The following SGK3 variants were observed in gnomAD, a reference collection of about 807,000 sequenced individuals.
SGK3 encodes serum/glucocorticoid regulated kinase family member 3.
SGK3 carries 47 observed loss-of-function variants against 68.5 expected under a neutral mutation model. The observed-to-expected ratio is 0.69, with a 90% CI of 0.54 to 0.87. The LOEUF (loss-of-function observed/expected upper bound fraction) is 0.87. SGK3 is among the 40% of genes least tolerant of loss of function. The probability of loss-of-function intolerance (pLI) is 0.00; values close to 1 mark genes in which losing one functional copy is unlikely to be tolerated. For missense variants in SGK3, 479 were observed against 575.5 expected (o/e 0.83, Z 1.72); for synonymous variants, 181 against 189.1 (o/e 0.96, Z 0.35).
intron 1 of SGK3, among the ~76,000 whole-genome samples, chr8:66,741,488 T>G (rs905272027): frequency 1.3e-5 from 2 of 152,008 alleles, no homozygotes; most frequent in African/African-American, 4.8e-5. Context: ...AGGTGGAGGT[T>G]GCAGTGAGCT....
chr8:66,835,687 G>C (rs151271633), intron 8 of SGK3, 76 bp from the exon 9 acceptor site: 10 of 1,449,260 alleles, frequency 6.9e-6, no homozygotes, highest in Non-Finnish European at 9.4e-6. Flanking sequence ...AAGAAGTATT[G>C]ATGTGTTGAC....
At chr8:66,796,314 T>C (rs2130582784) in intron 2 of SGK3, among the ~76,000 whole-genome samples, 1 of 137,080 alleles carries the variant, frequency 7.3e-6, no homozygotes, top group Middle Eastern at 3.4e-3. Flanking sequence ...TTTTTTGTAT[T>C]TTTTGTATTT....
At chr8:66,803,724 A>G (rs568372564) in intron 3 of SGK3, among the ~76,000 whole-genome samples, 1 of 151,518 alleles carries the variant, frequency 6.6e-6, no homozygotes, top group African/African-American at 2.4e-5. Flanking sequence ...TGGCATAATC[A>G]TGGCTCCCTG....
At chr8:66,746,758 G>A (rs1018362703) in intron 1 of SGK3, among the ~76,000 whole-genome samples, 2 of 151,758 alleles carry the variant, frequency 1.3e-5, no homozygotes, top group South Asian at 4.2e-4. Flanking sequence ...ACCAGGTCTC[G>A]CTATGTTGCC....
At chr8:66,807,617 CAG>C in intron 4 of SGK3, among the ~76,000 whole-genome samples, 1 of 152,218 alleles carries the variant, frequency 6.6e-6, no homozygotes, top group South Asian at 2.1e-4. Context: ...TTCAGAAAAA[CAG>C]AGATGGATAA....
chr8:66,851,544 A>C (rs1164724292), intron 16 of SGK3, among the ~76,000 whole-genome samples: 3 of 151,822 alleles, frequency 2.0e-5, no homozygotes, highest in Admixed American at 6.6e-5. Flanking sequence ...AAAAAAAAAA[A>C]CAGGTATAGA....
chr8:66,824,264 G>A (rs1808965595), intron 6 of SGK3, among the ~76,000 whole-genome samples: 1 of 151,984 alleles, frequency 6.6e-6, no homozygotes, highest in African/African-American at 2.4e-5. Context: ...TAACAAATAA[G>A]GCATAAGAAG....
At chr8:66,836,371 A>G (rs78827442) in intron 10 of SGK3, among the ~76,000 whole-genome samples, 4,077 of 152,272 alleles carry the variant, frequency 0.027, 71 homozygotes, top group Admixed American at 0.045. Context: ...ATAAAATGTG[A>G]TTTGTAATTT....
At chr8:66,761,523 C>T (rs906558801) in intron 1 of SGK3, among the ~76,000 whole-genome samples, 5 of 152,162 alleles carry the variant, frequency 3.3e-5, no homozygotes, top group African/African-American at 1.2e-4. Flanking sequence ...CGCCCCAGCA[C>T]TTTGAGAGGC....
chr8:66,795,286 G>T (rs1007325733), intron 2 of SGK3, among the ~76,000 whole-genome samples: 2 of 152,152 alleles, frequency 1.3e-5, no homozygotes, highest in Non-Finnish European at 2.9e-5. Context: ...GCCACACTTG[G>T]TACCACATCC....
At position 66,793,845 on chromosome 8, in the gene SGK3, C is replaced by T; in HGVS notation, c.96+13C>T. Reference sequence around the variant, plus strand: ...GAAGAGGTTTACTGTAAGTATTTAACATAAAGCATGTGGGAAAAAAGTTGA... The same window carrying T: ...GAAGAGGTTTACTGTAAGTATTTAATATAAAGCATGTGGGAAAAAAGTTGA... On this transcript the variant is annotated intron_variant, in intron 2 of 16. Transcript: ENST00000521198. 6.2e-7 allele frequency: 1 copy of T among 1,608,260 alleles called. No individual in the cohort carries two copies. The highest frequency in any genetic ancestry group is 1.1e-5 in the South Asian group (1 of 90,318).
chr8:66,823,598 A>G (rs1808935359), intron 6 of SGK3, among the ~76,000 whole-genome samples: 1 of 151,978 alleles, frequency 6.6e-6, no homozygotes, highest in Non-Finnish European at 1.5e-5. Flanking sequence ...GAGTTTCACC[A>G]TATTTGCCAG....
chr8:66,848,231 A>T (rs1810116008), intron 15 of SGK3, among the ~76,000 whole-genome samples: 1 of 152,134 alleles, frequency 6.6e-6, no homozygotes, highest in Non-Finnish European at 1.5e-5. Context: ...GAATTCATTG[A>T]CAGAGATTGC....
chr8:66,808,876 A>T (rs1055074631), intron 4 of SGK3, among the ~76,000 whole-genome samples: 3 of 148,536 alleles, frequency 2.0e-5, no homozygotes, highest in South Asian at 2.1e-4. Context: ...TTATTTATTT[A>T]TTTATTTTTT....
At chr8:66,820,657 T>G (rs187265404) in intron 5 of SGK3, among the ~76,000 whole-genome samples, 373 of 152,328 alleles carry the variant, frequency 2.4e-3, no homozygotes, top group Non-Finnish European at 3.6e-3. Flanking sequence ...CTGTACCATT[T>G]TACATTTACA....
At chr8:66,836,839 A>G (rs1377975714) in intron 10 of SGK3, among the ~76,000 whole-genome samples, 2 of 140,920 alleles carry the variant, frequency 1.4e-5, no homozygotes, top group Non-Finnish European at 3.0e-5. Flanking sequence ...TGCAGTGGTC[A>G]CAGCTCGCTA....
intron 1 of SGK3, among the ~76,000 whole-genome samples, chr8:66,730,955 G>A (rs1178433660): frequency 6.6e-6 from 1 of 151,996 alleles, no homozygotes; most frequent in Non-Finnish European, 1.5e-5. Flanking sequence ...CCAAAGTGCT[G>A]GGGTTACAGG....
chr8:66,834,344 CAG>C (rs1404828328), intron 8 of SGK3, among the ~76,000 whole-genome samples: 4 of 152,118 alleles, frequency 2.6e-5, no homozygotes, highest in Non-Finnish European at 5.9e-5. Context: ...AAATTCAAAA[CAG>C]GGCAAAAGTT....
chr8:66,850,616 A>T (rs976471399), intron 15 of SGK3, among the ~76,000 whole-genome samples: 1 of 152,248 alleles, frequency 6.6e-6, no homozygotes, highest in African/African-American at 2.4e-5. Context: ...AAGAGAATAC[A>T]ACTTAAGTTT....
Sources: gnomAD v4.1 joint callset for allele counts (sites outside exome capture counted in the v4.1 genomes callset) on GRCh38, gnomAD v4.1.1 for gene constraint, MANE v1.5 for transcripts, NCBI Gene and HGNC (gene_info 2026-07-23, HGNC 2026-07-21) for gene names.